The following CATSPER1 variants were observed in gnomAD, a reference collection of about 807,000 sequenced individuals.
CATSPER1 encodes the protein cation channel sperm-associated protein 1.
CATSPER1 carries 57 observed loss-of-function variants against 72.7 expected under a neutral mutation model. The ratio of observed to expected loss-of-function variants is 0.78; its 90% CI spans 0.63 to 0.98. The LOEUF is 0.98. CATSPER1 is among the 50% of genes least tolerant of loss of function. CATSPER1 has a pLI of 0.00. For missense variants in CATSPER1, 910 were observed against 1,033.9 expected, an observed-to-expected ratio of 0.88 and a Z score of 1.64; for synonymous variants, 363 against 403.0, an observed-to-expected ratio of 0.90 and a Z score of 1.19.
At position 66,025,537 on chromosome 11, in the gene CATSPER1, G is replaced by A. The variant is rs1242715195; in HGVS notation, c.843C>T (p.Asp281=). The change falls in exon 1 of 12, where the codon GAC becomes GAT. Residue 281 remains aspartate (D), a synonymous_variant. Transcript: ENST00000312106. ...AGTGGTGCTGTGTGTGGTGGGGATGGTCGCCATGGTGGTACTCACTGGGGT... is the reference window on the plus strand; with the variant it reads ...AGTGGTGCTGTGTGTGGTGGGGATGATCGCCATGGTGGTACTCACTGGGGT... ...DHHPSEYHHG[D]HPHHTQHHYH... is the part of the protein sequence containing the mutation. The A allele has an allele frequency of 6.2e-7, 1 of 1,602,504 alleles. No individual in the cohort carries two copies. The highest frequency in any genetic ancestry group is 2.2e-5 in the East Asian group (1 of 44,476).
chr11:66,020,271 C>G lies in CATSPER1; in HGVS notation c.2064+46G>C. On this transcript the variant is annotated intron_variant, in intron 8 of 11. Transcript: ENST00000312106. The surrounding 1 kb of genome is among the most constrained non-coding windows in gnomAD (Gnocchi z 4.5). Reference sequence around the variant, plus strand: ...AACCCTGGAGGCCCCTGGCCTCACTCCTCCAGCTTCCTGATCTGGTCCACC... The same window carrying G: ...AACCCTGGAGGCCCCTGGCCTCACTGCTCCAGCTTCCTGATCTGGTCCACC... 1 of 1,613,916 alleles carries G rather than the reference C, an allele frequency of 6.2e-7. No homozygotes were observed. Among genetic ancestry groups the G allele is most frequent in the Non-Finnish European group, 8.5e-7 (1 of 1,179,774 alleles).
chr11:66,026,435 C>T lies in CATSPER1; in HGVS notation c.-56G>A, dbSNP rs188172399. The T allele has an allele frequency of 9.8e-5, 157 of 1,603,936 alleles. No individual in the cohort carries two copies. In the African/African-American group the frequency reaches 1.5e-3, roughly 15 times the overall value. ...GCTCAAGACCTGGGCCCAACAGGCC[C>T]CGCCTGGATTTCCCTTCTTTCCTGA... On this transcript the variant is annotated 5_prime_UTR_variant, in exon 1 of 12. Coordinates refer to ENST00000312106, the MANE Select transcript of CATSPER1 (RefSeq NM_053054.4).
rs1269851840 is a variant in CATSPER1 at position 66,026,285 on chromosome 11, TG to T, written c.94del (p.His32ThrfsTer303). Reference protein sequence around the residue: ...FFRSHSSPPHHRPGHSRALHH... With the variant: ...FFRSHSSPPHXRPGHSRALHH... ...GAGAGCTCTGCTGTGGCCTGGCCTGTGGTGTGGGGGTGATGAGTGAGAGCGA... is the reference window on the plus strand; with the variant it reads ...GAGAGCTCTGCTGTGGCCTGGCCTGTGTGTGGGGGTGATGAGTGAGAGCGA... On this transcript the variant is annotated frameshift_variant, in exon 1 of 12. Transcript: ENST00000312106. LOFTEE classifies it high-confidence loss of function. 6.2e-6 allele frequency: 10 copies of T among 1,614,048 alleles called. No homozygotes were observed. The highest frequency in any genetic ancestry group is 1.7e-5 in the Admixed American group (1 of 59,998).
At chr11:66,017,852 T>G (rs1369631146) in intron 10 of CATSPER1, among the ~76,000 whole-genome samples, 2 of 152,184 alleles carry the variant, frequency 1.3e-5, no homozygotes, top group Non-Finnish European at 2.9e-5. Flanking sequence ...CCTCGCCTGA[T>G]GCTGGCGACC....
In CATSPER1 at chr11:66,025,262, C is replaced by A; in HGVS notation, c.1118G>T (p.Arg373Leu). ...GACTTTTTTGGACATCTGGGTGACA[C>A]GTGAGCGGATTGTGCTGGAGGACCG... is the stretch of plus-strand genomic sequence containing the variant. ...MTRSSSTIRS[R>L]VTQMSKKVHT... is the part of the protein sequence containing the mutation. Residue 373 changes from arginine (R) to leucine (L), a missense_variant, in exon 1 of 12, where the codon CGT (arginine) becomes CTT (leucine). Arg to Leu is a moderately radical substitution (Grantham distance 102). Transcript: ENST00000312106. 6.2e-7 allele frequency: 1 copy of A among 1,614,118 alleles called. No individual in the cohort carries two copies. The highest frequency in any genetic ancestry group is 8.5e-7 in the Non-Finnish European group (1 of 1,180,014).
Position 66,018,847 on chromosome 11 carries a change from C to T in CATSPER1, c.2181G>A (p.Lys727=), listed in dbSNP as rs551747495. The change falls in exon 10 of 12, where the codon AAG becomes AAA. Residue 727 remains lysine, a synonymous_variant. Transcript: ENST00000312106. ...GTMLKRLIEK[K]FGTMTEKQQE... ...CTCACTTCTCAGTCATGGTCCCAAA[C>T]TTTTTCTCGATGAGCCGCTTCAGCA... The T allele has an allele frequency of 6.2e-7, 1 of 1,613,854 alleles. No homozygotes were observed. Among genetic ancestry groups the T allele is most frequent in the African/African-American group, 1.3e-5 (1 of 75,004 alleles).
Position 66,020,483 on chromosome 11 carries a change from T to A in CATSPER1, c.1991+81A>T. On this transcript the variant is annotated intron_variant, in intron 7 of 11. Transcript: ENST00000312106. This position sits in a 1 kb window ranked among gnomAD's most constrained non-coding sequence, Gnocchi z 4.5. ...TGGGTTCAGCGTGGCATGACCAGGG[T>A]GAGAGGGCTGGGGTAAGGGTCCCAG... The A allele has an allele frequency of 6.3e-7, 1 of 1,599,004 alleles. No homozygotes were observed. Among genetic ancestry groups the A allele is most frequent in the South Asian group, 1.1e-5 (1 of 90,722 alleles).
At chr11:66,021,727 C>G (rs60415681) in intron 3 of CATSPER1, 39 bp downstream of exon 3, 1 of 1,613,474 alleles carries the variant, frequency 6.2e-7, no homozygotes, top group Non-Finnish European at 8.5e-7. Context: ...GAGCCTCCCC[C>G]AGACTAAACA....
intron 10 of CATSPER1, among the ~76,000 whole-genome samples, chr11:66,018,255 G>A (rs1044989094): frequency 1.3e-5 from 2 of 151,934 alleles, no homozygotes; most frequent in South Asian, 2.1e-4. Context: ...GATACATGAG[G>A]GTTTACCAGG....
At position 66,021,615 on chromosome 11, in the gene CATSPER1, C is replaced by T. The variant is rs1419131363; in HGVS notation, c.1572G>A (p.Leu524=). The T allele has an allele frequency of 1.9e-6, 3 of 1,609,358 alleles. No individual in the cohort carries two copies. The highest frequency in any genetic ancestry group is 2.5e-6 in the Non-Finnish European group (3 of 1,177,822). ...LDFFIMAMAV[L]DFLLMQTHSF... ...AGTGGGTCTGCATCAGCAAGAAGTC[C>T]AGCACGGCCATGGCCATAATGAAGA... Residue 524 remains leucine (L), a synonymous_variant, in exon 4 of 12, where the codon CTG becomes CTA. Transcript: ENST00000312106.
chr11:66,020,797 G>C lies in CATSPER1; in HGVS notation c.1927+14C>G, dbSNP rs1444970209. The C allele has an allele frequency of 1.8e-5, 29 of 1,613,630 alleles. No individual in the cohort carries two copies. Among genetic ancestry groups the C allele is most frequent in the Non-Finnish European group, 2.4e-5 (28 of 1,179,952 alleles). On this transcript the variant is annotated intron_variant, in intron 6 of 11. Coordinates refer to ENST00000312106, the MANE Select transcript of CATSPER1 (RefSeq NM_053054.4). The surrounding 1 kb of genome is among the most constrained non-coding windows in gnomAD (Gnocchi z 4.5). ...CAATCCCCGGCCCTCCCTGCAGCCT[G>C]GGGCCTGCCCTACCCTGGGCACGGC...
rs375556047 is a variant in CATSPER1 at position 66,020,780 on chromosome 11, G to A, written c.1927+31C>T. ...TGGCCGGTCCACCCCGCCAATCCCC[G>A]GCCCTCCCTGCAGCCTGGGGCCTGC... On this transcript the variant is annotated intron_variant, in intron 6 of 11. Coordinates refer to ENST00000312106, the MANE Select transcript of CATSPER1 (RefSeq NM_053054.4). The surrounding 1 kb of genome is among the most constrained non-coding windows in gnomAD (Gnocchi z 4.5). 1.7e-4 allele frequency: 279 copies of A among 1,613,260 alleles called. 1 individual carries two copies. Among genetic ancestry groups the A allele is most frequent in the Admixed American group, 9.2e-4 (55 of 59,962 alleles).
rs151325897 is a variant in CATSPER1 at position 66,018,845 on chromosome 11, A to G, written c.2183T>C (p.Phe728Ser). 33 of 1,613,378 alleles carry G rather than the reference A, an allele frequency of 2.0e-5. No homozygotes were observed. In the African/African-American group the frequency reaches 3.3e-4, roughly 16 times the overall value. ...TCCTCACTTCTCAGTCATGGTCCCA[A>G]ACTTTTTCTCGATGAGCCGCTTCAG... ...TMLKRLIEKK[F>S]GTMTEKQQEL... Residue 728 changes from phenylalanine to serine, a missense_variant, in exon 10 of 12, where the codon TTT becomes TCT. Phe to Ser is a radical substitution (Grantham distance 155, BLOSUM62 -2). Coordinates refer to ENST00000312106, the MANE Select transcript of CATSPER1 (RefSeq NM_053054.4).
chr11:66,020,066 G>A lies in CATSPER1; in HGVS notation c.2125+74C>T. On this transcript the variant is annotated intron_variant, in intron 9 of 11. Coordinates refer to ENST00000312106, the MANE Select transcript of CATSPER1 (RefSeq NM_053054.4). This position sits in a 1 kb window ranked among gnomAD's most constrained non-coding sequence, Gnocchi z 4.5. ...AGTCTGGAATTCTGTGACTGTGGAA[G>A]GAGGTTAGGGGGATGGAGAGACTGG... is the stretch of plus-strand genomic sequence containing the variant. The A allele has an allele frequency of 1.8e-5, 26 of 1,465,442 alleles. No homozygotes were observed. The highest frequency in any genetic ancestry group is 2.4e-5 in the Non-Finnish European group (25 of 1,049,544). The allele number at this position is 1,465,442 out of a possible 1,614,324, so 90.8% of individuals were successfully genotyped here.
intron 11 of CATSPER1, 52 bp from the exon 12 acceptor site, chr11:66,016,968 C>T (rs867832719): frequency 6.2e-7 from 1 of 1,613,806 alleles, no homozygotes. Flanking sequence ...CTTTGCCTTC[C>T]CCGATCCCCA....
intron 2 of CATSPER1, among the ~76,000 whole-genome samples, chr11:66,022,134 G>T (rs1013068268): frequency 6.6e-6 from 1 of 152,182 alleles, no homozygotes; most frequent in African/African-American, 2.4e-5. Flanking sequence ...GAGGTCAGGA[G>T]TTCGAGACCA....
chr11:66,024,532 G>A (rs1441094830), intron 1 of CATSPER1, among the ~76,000 whole-genome samples: 3 of 152,030 alleles, frequency 2.0e-5, no homozygotes, highest in African/African-American at 4.8e-5. Context: ...CACCCACCTC[G>A]GCCTCCCAAA....
At chr11:66,018,217 A>G (rs1449376987) in intron 10 of CATSPER1, among the ~76,000 whole-genome samples, 2 of 151,444 alleles carry the variant, frequency 1.3e-5, no homozygotes, top group South Asian at 4.1e-4. Flanking sequence ...CAAAAAAAAA[A>G]AAAAAAGAAA....
chr11:66,024,945 AG>A (rs1377198166), intron 1 of CATSPER1, among the ~76,000 whole-genome samples: 1 of 152,256 alleles, frequency 6.6e-6, no homozygotes, highest in Non-Finnish European at 1.5e-5. Flanking sequence ...TAAATAAGGC[AG>A]TGACTGAATG....
Sources: gnomAD v4.1 joint callset for allele counts (sites outside exome capture counted in the v4.1 genomes callset) on GRCh38, gnomAD v4.1.1 for gene constraint, Gnocchi (gnomAD v3.1) non-coding constraint, MANE v1.5 for transcripts, NCBI Gene and HGNC (gene_info 2026-07-23, HGNC 2026-07-21) for gene names.